CHRM3: variants seen among roughly 807,000 people sequenced by gnomAD.
CHRM3 encodes cholinergic receptor muscarinic 3, also known as muscarinic acetylcholine receptor M3.
CHRM3 carries 11 observed loss-of-function variants against 41.8 expected under a neutral mutation model. That is an observed-to-expected ratio of 0.26 (90% CI 0.17 to 0.44). The LOEUF (loss-of-function observed/expected upper bound fraction) is 0.44. Among genes scored for constraint, CHRM3 ranks in the 20% least tolerant of loss-of-function variants. The pLI, the probability that CHRM3 is intolerant of heterozygous loss-of-function variation, is 1.00. For synonymous variants in CHRM3, 297 were observed against 301.4 expected, an observed-to-expected ratio of 0.99 and a Z score of 0.15; for missense variants, 571 against 745.4, an observed-to-expected ratio of 0.77 and a Z score of 2.72.
intron 1 of CHRM3, among the ~76,000 whole-genome samples, chr1:239,446,046 T>C (rs1346301839): frequency 2.0e-5 from 3 of 152,060 alleles, no homozygotes; most frequent in Non-Finnish European, 4.4e-5. Flanking sequence ...CAAGCAATTC[T>C]CCTGCCTCAG....
chr1:239,734,530 T>G (rs1196846900), intron 5 of CHRM3, among the ~76,000 whole-genome samples: 1 of 151,820 alleles, frequency 6.6e-6, no homozygotes, highest in African/African-American at 2.4e-5. Context: ...GAATCAAGCA[T>G]TTTTTTTCTG....
intron 4 of CHRM3, among the ~76,000 whole-genome samples, chr1:239,646,020 T>C (rs1429687151): frequency 6.6e-6 from 1 of 151,996 alleles, no homozygotes; most frequent in Admixed American, 6.6e-5. Flanking sequence ...GCACAATACA[T>C]GCCAAGTGTA....
Position 239,909,366 on chromosome 1 carries a change from G to C in CHRM3, c.*142G>C. The C allele has an allele frequency of 2.6e-6, 2 of 759,274 alleles. No individual in the cohort carries two copies. The highest frequency in any genetic ancestry group is 4.1e-6 in the Non-Finnish European group (2 of 483,846). The allele number at this position is 759,274 out of a possible 1,614,324, so 47.0% of individuals were successfully genotyped here. A position where few individuals can be genotyped will look rare whatever the true frequency, so the allele number is the denominator to read the frequency against. ...ATGTGAAAGAAGCTGCCTGTTTACT[G>C]ATCCATTGAATAAACCCATTTTAAT... On this transcript the variant is annotated 3_prime_UTR_variant, in exon 7 of 7. Transcript: ENST00000676153.
intron 5 of CHRM3, among the ~76,000 whole-genome samples, chr1:239,710,787 T>C (rs1345560821): frequency 6.6e-6 from 1 of 152,040 alleles, no homozygotes; most frequent in Non-Finnish European, 1.5e-5. Flanking sequence ...CCTTAATAAA[T>C]ATGGCTTTAG....
At chr1:239,856,868 A>C (rs563238909) in intron 6 of CHRM3, among the ~76,000 whole-genome samples, 1 of 152,320 alleles carries the variant, frequency 6.6e-6, no homozygotes, top group African/African-American at 2.4e-5. Flanking sequence ...AGAAGAGCTA[A>C]CATTTACTTG....
At chr1:239,597,109 T>C (rs1420075632) in intron 3 of CHRM3, among the ~76,000 whole-genome samples, 1 of 152,172 alleles carries the variant, frequency 6.6e-6, no homozygotes, top group Non-Finnish European at 1.5e-5. Flanking sequence ...GGGTGAAAAC[T>C]CTGTTACAAT....
At chr1:239,777,782 T>C (rs979344684) in intron 5 of CHRM3, among the ~76,000 whole-genome samples, 1 of 152,208 alleles carries the variant, frequency 6.6e-6, no homozygotes. Flanking sequence ...TTAAAACCTA[T>C]TCTAGGTTCT....
chr1:239,543,210 G>T (rs1658949904), intron 2 of CHRM3, among the ~76,000 whole-genome samples: 1 of 152,142 alleles, frequency 6.6e-6, no homozygotes, highest in South Asian at 2.1e-4. Context: ...CACTATCCCG[G>T]TGGCCATCTT....
intron 4 of CHRM3, among the ~76,000 whole-genome samples, chr1:239,642,551 A>T (rs1671285156): frequency 6.6e-6 from 1 of 152,214 alleles, no homozygotes; most frequent in South Asian, 2.1e-4. Context: ...CTTCCAGTTG[A>T]TCGCATCGGC....
intron 5 of CHRM3, among the ~76,000 whole-genome samples, chr1:239,691,968 GGAT>G (rs755251212): frequency 1.3e-5 from 2 of 152,072 alleles, no homozygotes; most frequent in Non-Finnish European, 2.9e-5. Context: ...AGACCCCAGG[GGAT>G]GATCTCAAAA....
rs1658387177 is a variant in CHRM3 at position 239,538,098 on chromosome 1, G to A, written c.-421-7543G>A. Among the ~76,000 whole-genome samples, 3 of 152,150 alleles carry A rather than the reference G, an allele frequency of 2.0e-5. No homozygotes were observed. In the South Asian group the frequency reaches 6.2e-4, roughly 32 times the overall value. On this transcript the variant is annotated intron_variant, in intron 2 of 6. Coordinates refer to ENST00000676153, the MANE Select transcript of CHRM3 (RefSeq NM_001375978.1). ...AAAAAGGAAGAAGGAAAGGAAGAGG[G>A]GAAGTAGCAGAAGAAAGAAAAAGAA...
intron 5 of CHRM3, among the ~76,000 whole-genome samples, chr1:239,735,025 GA>G (rs1437779439): frequency 9.9e-5 from 15 of 152,102 alleles, no homozygotes. Context: ...GGTTATGTTA[GA>G]ACAGGAAAAG....
intron 3 of CHRM3, among the ~76,000 whole-genome samples, chr1:239,552,602 C>G (rs900980535): frequency 2.0e-4 from 29 of 146,562 alleles, no homozygotes; most frequent in African/African-American, 7.2e-4. Flanking sequence ...GCTGGGACTA[C>G]AGGCTCATGC....
intron 1 of CHRM3, among the ~76,000 whole-genome samples, chr1:239,465,117 AG>A (rs1665628015): frequency 6.6e-6 from 1 of 152,146 alleles, no homozygotes; most frequent in Non-Finnish European, 1.5e-5. Context: ...TATAAAATGG[AG>A]ATATGATGTT....
intron 4 of CHRM3, among the ~76,000 whole-genome samples, chr1:239,674,403 G>C (rs558758359): frequency 3.6e-4 from 55 of 152,086 alleles, no homozygotes; most frequent in African/African-American, 1.2e-3. Context: ...TTGACCATTA[G>C]TGTGGCTTAA....
At chr1:239,434,787 G>A (rs1558221261) in intron 1 of CHRM3, among the ~76,000 whole-genome samples, 2 of 152,130 alleles carry the variant, frequency 1.3e-5, no homozygotes, top group Non-Finnish European at 1.5e-5. Flanking sequence ...AGGAGAGAAA[G>A]AGAAGAAGAA....
At chr1:239,674,066 A>G (rs186936424) in intron 4 of CHRM3, among the ~76,000 whole-genome samples, 210 of 152,290 alleles carry the variant, frequency 1.4e-3, no homozygotes, top group South Asian at 4.1e-3. Context: ...AAATCTGAAA[A>G]AATCAGAAAC....
At chr1:239,499,965 AC>A (rs1328115083) in intron 2 of CHRM3, among the ~76,000 whole-genome samples, 1 of 152,188 alleles carries the variant, frequency 6.6e-6, no homozygotes, top group Non-Finnish European at 1.5e-5. Context: ...AGCCACCACT[AC>A]AAGAACTGCT....
chr1:239,596,918 T>C (rs1664843590), intron 3 of CHRM3, among the ~76,000 whole-genome samples: 1 of 151,998 alleles, frequency 6.6e-6, no homozygotes, highest in Non-Finnish European at 1.5e-5. Flanking sequence ...AGTTGTTGGG[T>C]TTTTCTGTGT....
Sources: gnomAD v4.1 joint callset for allele counts (sites outside exome capture counted in the v4.1 genomes callset) on GRCh38, gnomAD v4.1.1 for gene constraint, MANE v1.5 for transcripts, NCBI Gene and HGNC (gene_info 2026-07-23, HGNC 2026-07-21) for gene names.